ATRX: variants seen among roughly 807,000 people sequenced by gnomAD.
ATRX encodes chromatin remodeler ATRX.
Under a neutral mutation model 172.6 loss-of-function variants are expected in ATRX, and 12 were observed. That is an observed-to-expected ratio of 0.07 (90% CI 0.04 to 0.11). The LOEUF is 0.11. Ranked by LOEUF, ATRX falls within the 10% of genes least tolerant of loss-of-function variation. The probability of loss-of-function intolerance (pLI) is 1.00; values close to 1 mark genes in which losing one functional copy is unlikely to be tolerated. For synonymous variants in ATRX, 674 were observed against 594.7 expected (o/e 1.13, Z -1.94); for missense variants, 1,368 against 1,767.4 (o/e 0.77, Z 4.05).
intron 1 of ATRX, among the ~76,000 whole-genome samples, chrX:77,782,432 C>A (rs2076600366): frequency 8.9e-6 from 1 of 112,311 alleles, no homozygotes. Context: ...CACCAAATCT[C>A]CCAATACTGA....
chrX:77,763,598 GT>G (rs1557194006), intron 1 of ATRX, among the ~76,000 whole-genome samples: 1 of 107,534 alleles, frequency 9.3e-6, no homozygotes, highest in Non-Finnish European at 1.9e-5. Flanking sequence ...GGCCTCCCGA[GT>G]AGCTAGGATT....
chrX:77,629,695 T>C (rs1375539080), intron 19 of ATRX, among the ~76,000 whole-genome samples: 3 of 111,534 alleles, frequency 2.7e-5, no homozygotes, highest in Admixed American at 1.9e-4. Context: ...TATAACCCAA[T>C]GTAGAACTTA....
intron 1 of ATRX, among the ~76,000 whole-genome samples, chrX:77,772,467 C>CAAA (rs782408268): frequency 2.5e-5 from 1 of 39,825 alleles, no homozygotes; most frequent in Non-Finnish European, 4.7e-5. Context: ...TCCCTTCTCT[C>CAAA]AAAAAAAAAA....
At chrX:77,696,143 T>C (rs1557149688) in intron 5 of ATRX, among the ~76,000 whole-genome samples, 1 of 112,272 alleles carries the variant, frequency 8.9e-6, no homozygotes. Flanking sequence ...ACTTCAGCTT[T>C]TAGCCTTAGG....
intron 28 of ATRX, among the ~76,000 whole-genome samples, chrX:77,567,421 C>T (rs192311701): frequency 5.2e-4 from 58 of 111,110 alleles, no homozygotes; most frequent in Non-Finnish European, 7.8e-4. Context: ...AACTATATAC[C>T]GTGCAAACAC....
chrX:77,660,806 TA>T, intron 12 of ATRX, among the ~76,000 whole-genome samples: 1 of 110,936 alleles, frequency 9.0e-6, no homozygotes, highest in Middle Eastern at 4.6e-3. Context: ...TTTCCATTTG[TA>T]AAACATTACA....
At chrX:77,533,790 A>C (rs957253811) in intron 30 of ATRX, among the ~76,000 whole-genome samples, 2 of 112,096 alleles carry the variant, frequency 1.8e-5, no homozygotes, top group African/African-American at 3.2e-5. Context: ...GAAAGAAAAA[A>C]AATGGAATTG....
intron 28 of ATRX, among the ~76,000 whole-genome samples, chrX:77,563,460 G>A (rs1021972115): frequency 6.3e-5 from 7 of 111,906 alleles, no homozygotes; most frequent in South Asian, 3.7e-4. Flanking sequence ...TTCAGATATC[G>A]TCTTTTGTAA....
At chrX:77,590,628 A>C (rs1232018957) in intron 26 of ATRX, among the ~76,000 whole-genome samples, 3 of 108,438 alleles carry the variant, frequency 2.8e-5, no homozygotes, top group African/African-American at 1.0e-4. Flanking sequence ...AAAAAAAAAA[A>C]AACCTACACA....
chrX:77,518,716 A>T (rs2063132680), intron 34 of ATRX, among the ~76,000 whole-genome samples: 1 of 112,052 alleles, frequency 8.9e-6, no homozygotes, highest in Non-Finnish European at 1.9e-5. Flanking sequence ...AGCAAAAAGA[A>T]CAAAACTGGA....
rs45552532 is a variant in ATRX, at chrX:77,714,863, A to C, written c.133+2268T>G. Reference sequence around the variant, plus strand: ...AAGGGGGAAAAACTTATCTGTGAACACTACTGGGGTAATTGATGAAATAAG... The same window carrying C: ...AAGGGGGAAAAACTTATCTGTGAACCCTACTGGGGTAATTGATGAAATAAG... On this transcript the variant is annotated intron_variant, in intron 2 of 34. Transcript: ENST00000373344. Among the ~76,000 whole-genome samples, 1,094 of 112,140 alleles carry C rather than the reference A, an allele frequency of 9.8e-3. 5 individuals are homozygous for C. Among genetic ancestry groups the C allele is most frequent in the Middle Eastern group, 0.028 (6 of 217 alleles).
chrX:77,594,075 G>T, intron 25 of ATRX: 1 of 328,619 alleles, frequency 3.0e-6, no homozygotes. Flanking sequence ...AAAGGAAGGA[G>T]ATGCCAAATA....
intron 11 of ATRX, among the ~76,000 whole-genome samples, chrX:77,664,098 T>C (rs1395469715): frequency 2.0e-5 from 2 of 101,316 alleles, no homozygotes; most frequent in African/African-American, 7.4e-5. Flanking sequence ...CAAAACTCTG[T>C]CTCAAAAAAA....
At chrX:77,761,355 C>G (rs1415863416) in intron 1 of ATRX, among the ~76,000 whole-genome samples, 1 of 109,919 alleles carries the variant, frequency 9.1e-6, no homozygotes, top group Non-Finnish European at 1.9e-5. Context: ...CTGGGCAACA[C>G]GGCAAAACCC....
At chrX:77,545,285 C>T (rs2064193339) in intron 30 of ATRX, among the ~76,000 whole-genome samples, 1 of 111,988 alleles carries the variant, frequency 8.9e-6, no homozygotes, top group African/African-American at 3.2e-5. Flanking sequence ...CTGCTAGCTC[C>T]TGCCCTCAAA....
intron 1 of ATRX, among the ~76,000 whole-genome samples, chrX:77,762,919 C>T (rs966804194): frequency 9.0e-5 from 10 of 110,952 alleles, no homozygotes; most frequent in Non-Finnish European, 1.7e-4. Flanking sequence ...AAAAAATCAA[C>T]TTATCTTTTT....
intron 1 of ATRX, among the ~76,000 whole-genome samples, chrX:77,778,841 C>G (rs1277235857): frequency 2.7e-5 from 3 of 111,823 alleles, no homozygotes; most frequent in Admixed American, 1.9e-4. Flanking sequence ...TTTGCTCAAG[C>G]TGCTACTCCT....
chrX:77,623,831 A>G (rs2067698481), intron 19 of ATRX, among the ~76,000 whole-genome samples: 1 of 111,935 alleles, frequency 8.9e-6, no homozygotes, highest in African/African-American at 3.2e-5. Flanking sequence ...ATTCAGAAAA[A>G]GCATTCGACA....
At chrX:77,600,360 G>A (rs2148154254) in intron 23 of ATRX, 74 bp downstream of exon 23, 1 of 1,128,501 alleles carries the variant, frequency 8.9e-7, no homozygotes, top group African/African-American at 1.8e-5. Context: ...TGAATATACA[G>A]TCTGTAGGTC....
Sources: gnomAD v4.1 joint callset for allele counts (sites outside exome capture counted in the v4.1 genomes callset) on GRCh38, gnomAD v4.1.1 for gene constraint, MANE v1.5 for transcripts, NCBI Gene and HGNC (gene_info 2026-07-23, HGNC 2026-07-21) for gene names.